The following ZNF649 variants were observed in gnomAD, a reference collection of about 807,000 sequenced individuals.
The protein encoded by ZNF649 is zinc finger protein 649.
Under a neutral mutation model 14.1 loss-of-function variants are expected in ZNF649, and 7 were observed. The observed-to-expected ratio is 0.49, with a 90% CI of 0.28 to 0.93. The LOEUF (loss-of-function observed/expected upper bound fraction) is 0.93. ZNF649 is among the 40% of genes least tolerant of loss of function. The probability of loss-of-function intolerance (pLI) is 0.10; values close to 1 mark genes in which losing one functional copy is unlikely to be tolerated. For missense variants in ZNF649, 544 were observed against 608.1 expected (o/e 0.89, Z 1.11); for synonymous variants, 227 against 212.3 (o/e 1.07, Z -0.60).
chr19:51,891,860 C>G lies in ZNF649; in HGVS notation c.276G>C (p.Leu92Phe). The G allele has an allele frequency of 6.3e-7, 1 of 1,579,616 alleles. No individual in the cohort carries two copies. Among genetic ancestry groups the G allele is most frequent in the South Asian group, 1.2e-5 (1 of 84,520 alleles). Residue 92 changes from leucine (L) to phenylalanine (F), a missense_variant, in exon 5 of 5, where the codon TTG becomes TTC. By Grantham distance (22) the Leu-to-Phe change is conservative. Transcript: ENST00000354957. This position sits in a 1 kb window ranked among gnomAD's most constrained non-coding sequence, Gnocchi z 4.2. ...EKADDHLQQPLQNQKILKRTG... is the reference protein window; with the variant it reads ...EKADDHLQQPFQNQKILKRTG... Reference sequence around the variant, plus strand: ...TCCTCTTCAGTATTTTTTGGTTTTGCAAGGGCTGCTGCAGATGATCATCAG... The same window carrying G: ...TCCTCTTCAGTATTTTTTGGTTTTGGAAGGGCTGCTGCAGATGATCATCAG...
chr19:51,890,414 C>T lies in ZNF649; in HGVS notation c.*204G>A, dbSNP rs1049523184. On this transcript the variant is annotated 3_prime_UTR_variant, in exon 5 of 5. Coordinates refer to ENST00000354957, the MANE Select transcript of ZNF649 (RefSeq NM_023074.4). ...GAAGCCTCTAAAACTGCCCCCCTCC[C>T]CAGCCAAACTCTATGATCAAGATAG... The T allele has an allele frequency of 3.6e-5, 18 of 496,516 alleles. No homozygotes were observed. The highest frequency in any genetic ancestry group is 3.5e-4 in the African/African-American group (18 of 51,786). 30.8% of individuals were successfully genotyped at this position (496,516 alleles called of 1,614,324 possible).
intron 2 of ZNF649, among the ~76,000 whole-genome samples, chr19:51,898,928 T>TTA (rs1555752529): frequency 7.8e-6 from 1 of 128,320 alleles, no homozygotes; most frequent in African/African-American, 4.9e-5. Context: ...AAATAAAAAA[T>TTA]AAAAAAAAGA....
intron 2 of ZNF649, among the ~76,000 whole-genome samples, chr19:51,897,619 A>G (rs1412051914): frequency 6.6e-6 from 1 of 152,220 alleles, no homozygotes; most frequent in African/African-American, 2.4e-5. Context: ...AAGCATTGAC[A>G]TGCATAGATA....
intron 1 of ZNF649, among the ~76,000 whole-genome samples, chr19:51,902,552 C>T (rs768691677): frequency 1.3e-5 from 2 of 152,274 alleles, no homozygotes; most frequent in South Asian, 2.1e-4. Flanking sequence ...TCACTGCCAG[C>T]GCTTATTTCA....
intron 4 of ZNF649, among the ~76,000 whole-genome samples, chr19:51,894,843 A>G (rs1773120350): frequency 6.6e-6 from 1 of 152,070 alleles, no homozygotes; most frequent in Admixed American, 6.6e-5. Flanking sequence ...CCCCCGAGAG[A>G]GCTTCATGTA....
Position 51,904,980 on chromosome 19 carries a change from C to G in ZNF649, c.-254G>C, listed in dbSNP as rs1170611582. The G allele has an allele frequency of 6.8e-6, 1 of 148,132 alleles. No homozygotes were observed. Among genetic ancestry groups the G allele is most frequent in the African/African-American group, 2.7e-5 (1 of 37,310 alleles). The allele number at this position is 148,132 out of a possible 1,614,324, so 9.2% of individuals were successfully genotyped here. A position where few individuals can be genotyped will look rare whatever the true frequency, so the allele number is the denominator to read the frequency against. On this transcript the variant is annotated 5_prime_UTR_variant, in exon 1 of 5. Coordinates refer to ENST00000354957, the MANE Select transcript of ZNF649 (RefSeq NM_023074.4). ...CTTTCCTGGCCCTTAAACCCCGGCA[C>G]TGGCCTATGGCGGCGGACGAGGGCG...
At chr19:51,893,082 G>T (rs1336181676) in intron 4 of ZNF649, among the ~76,000 whole-genome samples, 1 of 152,096 alleles carries the variant, frequency 6.6e-6, no homozygotes, top group African/African-American at 2.4e-5. Flanking sequence ...AGCTATGATT[G>T]GACAGGAGAC....
chr19:51,896,683 G>C (rs1476157524), intron 3 of ZNF649, 116 bp from the exon 4 acceptor site: 5 of 1,555,398 alleles, frequency 3.2e-6, no homozygotes, highest in South Asian at 1.1e-5. Context: ...CAAATTAAAG[G>C]CTTTTTTTCT....
At position 51,890,569 on chromosome 19, in the gene ZNF649, A is replaced by G. The variant is rs1004613892; in HGVS notation, c.*49T>C. ...GAGCCAAAGGCCCATGGGACATGAC[A>G]AACTCAGCATTCCGCTGGAGGCTAT... On this transcript the variant is annotated 3_prime_UTR_variant, in exon 5 of 5. Coordinates refer to ENST00000354957, the MANE Select transcript of ZNF649 (RefSeq NM_023074.4). The G allele has an allele frequency of 1.5e-6, 2 of 1,295,884 alleles. No homozygotes were observed. The highest frequency in any genetic ancestry group is 2.9e-5 in the African/African-American group (2 of 68,770). The allele number at this position is 1,295,884 out of a possible 1,614,324, so 80.3% of individuals were successfully genotyped here. A position where few individuals can be genotyped will look rare whatever the true frequency, so the allele number is the denominator to read the frequency against.
rs778436471 is a variant in ZNF649 at position 51,891,530 on chromosome 19, T to C, written c.606A>G (p.Gly202=). The C allele has an allele frequency of 1.9e-6, 3 of 1,614,136 alleles. No individual in the cohort carries two copies. Among genetic ancestry groups the C allele is most frequent in the Non-Finnish European group, 2.5e-6 (3 of 1,180,060 alleles). Reference sequence around the variant, plus strand: ...ACAAGCTACACACGTGGGGTTTCTTTCCTGTATGAATTCTCTTATGCTCAG... The same window carrying C: ...ACAAGCTACACACGTGGGGTTTCTTCCCTGTATGAATTCTCTTATGCTCAG... ...QLTEHKRIHT[G]KKPHVCSLCG... The change falls in exon 5 of 5, where the codon GGA becomes GGG. Residue 202 remains glycine (G), a synonymous_variant. Transcript: ENST00000354957. This position sits in a 1 kb window ranked among gnomAD's most constrained non-coding sequence, Gnocchi z 4.2.
Position 51,891,654 on chromosome 19 carries a change from G to A in ZNF649, c.482C>T (p.Thr161Ile). The A allele has an allele frequency of 6.2e-7, 1 of 1,614,164 alleles. No individual in the cohort carries two copies. The highest frequency in any genetic ancestry group is 1.1e-5 in the South Asian group (1 of 91,072). Residue 161 changes from threonine to isoleucine, a missense_variant, in exon 5 of 5, where the codon ACC becomes ATC. Thr to Ile is a moderately conservative substitution (Grantham distance 89). Coordinates refer to ENST00000354957, the MANE Select transcript of ZNF649 (RefSeq NM_023074.4). This position sits in a 1 kb window ranked among gnomAD's most constrained non-coding sequence, Gnocchi z 4.2. ...EFPESRKPIS[T>I]KSQFLKHQQT... ...CTGATGTTTAAGGAATTGTGACTTG[G>A]TGCTGATGGGTTTTCTACTTTCAGG...
chr19:51,894,882 C>T (rs1304405660), intron 4 of ZNF649, among the ~76,000 whole-genome samples: 1 of 151,778 alleles, frequency 6.6e-6, no homozygotes, highest in Non-Finnish European at 1.5e-5. Flanking sequence ...CAACTCAATT[C>T]TAACAAAACC....
intron 2 of ZNF649, among the ~76,000 whole-genome samples, chr19:51,899,319 C>A (rs954892883): frequency 1.4e-4 from 21 of 152,290 alleles, no homozygotes; most frequent in South Asian, 4.1e-4. Context: ...TCTGAGACAA[C>A]ATGACATTCT....
intron 1 of ZNF649, among the ~76,000 whole-genome samples, chr19:51,901,085 G>A (rs182381270): frequency 1.1e-4 from 16 of 148,562 alleles, no homozygotes; most frequent in African/African-American, 2.4e-4. Flanking sequence ...TTAATTCCCC[G>A]AGCCACAAGT....
intron 2 of ZNF649, chr19:51,897,248 G>A (rs759787358): frequency 5.9e-5 from 21 of 354,650 alleles, no homozygotes; most frequent in Non-Finnish European, 1.0e-4. Flanking sequence ...TTGGATATAA[G>A]TGGACCCTTG....
intron 1 of ZNF649, 43 bp from the exon 2 acceptor site, chr19:51,900,337 C>G (rs1311033787): frequency 2.5e-6 from 1 of 401,102 alleles, no homozygotes; most frequent in African/African-American, 2.0e-5. Context: ...ACATTCCCTC[C>G]GGGCCCAGAT....
In ZNF649 at chr19:51,896,533, C is replaced by T; in HGVS notation, c.177G>A (p.Lys59=). 6.2e-7 allele frequency: 1 copy of T among 1,614,142 alleles called. No individual in the cohort carries two copies. The highest frequency in any genetic ancestry group is 8.5e-7 in the Non-Finnish European group (1 of 1,180,030). ...TCCATAGTGGTTCTCCTTGTTCCAA[C>T]TTGGTGAGGGCATCAGGTTTGCCGG... ...YQAGKPDALT[K]LEQGEPLWTL... Residue 59 remains lysine (K), a synonymous_variant, in exon 4 of 5, where the codon AAG becomes AAA. Coordinates refer to ENST00000354957, the MANE Select transcript of ZNF649 (RefSeq NM_023074.4).
chr19:51,893,006 C>T (rs559677382), intron 4 of ZNF649, among the ~76,000 whole-genome samples: 16 of 152,102 alleles, frequency 1.1e-4, no homozygotes, highest in Non-Finnish European at 1.8e-4. Flanking sequence ...TTGCAGCTCC[C>T]GGACCACCAG....
chr19:51,896,516 G>A lies in ZNF649; in HGVS notation c.194C>T (p.Pro65Leu), dbSNP rs2085063461. The A allele has an allele frequency of 2.5e-6, 4 of 1,614,106 alleles. No homozygotes were observed. Among genetic ancestry groups the A allele is most frequent in the Non-Finnish European group, 3.4e-6 (4 of 1,180,036 alleles). Residue 65 changes from proline to leucine, a missense_variant, in exon 4 of 5, where the codon CCA becomes CTA. By Grantham distance (98) the Pro-to-Leu change is moderately conservative. Coordinates refer to ENST00000354957, the MANE Select transcript of ZNF649 (RefSeq NM_023074.4). ...DALTKLEQGE[P>L]LWTLEDEIHS... is the part of the protein sequence containing the mutation. The stretch of plus-strand genomic sequence containing the variant: ...GATTTCATCTTCTAGTGTCCATAGT[G>A]GTTCTCCTTGTTCCAACTTGGTGAG...
Sources: allele counts gnomAD v4.1 joint callset (sites outside exome capture counted in the v4.1 genomes callset), GRCh38; gene constraint gnomAD v4.1.1; non-coding constraint Gnocchi (gnomAD v3.1); transcripts MANE v1.5; gene names NCBI Gene and HGNC (gene_info 2026-07-23, HGNC 2026-07-21).